The following NEDD4L variants were observed in gnomAD, a reference collection of about 807,000 sequenced individuals.
NEDD4L encodes E3 ubiquitin-protein ligase NEDD4-like.
Under a neutral mutation model 148.9 loss-of-function variants are expected in NEDD4L, and 54 were observed. The observed-to-expected ratio is 0.36, with a 90% CI of 0.29 to 0.45. NEDD4L has a LOEUF of 0.45. Ranked by LOEUF, NEDD4L falls within the 20% of genes least tolerant of loss-of-function variation. The pLI is 1.00. For synonymous variants in NEDD4L, 433 were observed against 440.7 expected, an observed-to-expected ratio of 0.98 and a Z score of 0.22; for missense variants, 856 against 1,233.8, an observed-to-expected ratio of 0.69 and a Z score of 4.59.
At chr18:58,323,681 C>T (rs2059049562) in intron 8 of NEDD4L, among the ~76,000 whole-genome samples, 1 of 152,106 alleles carries the variant, frequency 6.6e-6, no homozygotes, top group Admixed American at 6.5e-5. Context: ...CCATTGAGGT[C>T]GCTTCAAAGT....
At chr18:58,315,580 G>A (rs1301634350) in intron 5 of NEDD4L, among the ~76,000 whole-genome samples, 4 of 152,150 alleles carry the variant, frequency 2.6e-5, no homozygotes, top group African/African-American at 9.7e-5. Flanking sequence ...TTGGCTCTCA[G>A]CTCTCAAGAA....
chr18:58,124,122 T>C lies in NEDD4L; in HGVS notation c.49-41666T>C, dbSNP rs1250301215. ...CCCTCTCCAGCGCCTGCCTTCCGAT[T>C]GCCCCTTCCAGTCTAGTAACTGTGT... On this transcript the variant is annotated intron_variant, in intron 1 of 30. Transcript: ENST00000400345. Among the ~76,000 whole-genome samples, 6 of 152,140 alleles carry C rather than the reference T, an allele frequency of 3.9e-5. 1 individual carries two copies. The highest frequency in any genetic ancestry group is 3.9e-4 in the Admixed American group (6 of 15,268).
chr18:58,177,601 G>T (rs1045595714), intron 2 of NEDD4L, among the ~76,000 whole-genome samples: 1 of 152,166 alleles, frequency 6.6e-6, no homozygotes, highest in Admixed American at 6.5e-5. Context: ...TGGGGAGGCC[G>T]TGAGGCTGGT....
At chr18:58,129,379 G>T (rs1318936410) in intron 1 of NEDD4L, among the ~76,000 whole-genome samples, 1 of 152,236 alleles carries the variant, frequency 6.6e-6, no homozygotes, top group Non-Finnish European at 1.5e-5. Flanking sequence ...ATGTGTTCAT[G>T]TCCTGGGATT....
At chr18:58,286,532 A>G (rs28638370) in intron 5 of NEDD4L, among the ~76,000 whole-genome samples, 30,270 of 152,154 alleles carry the variant, frequency 0.2, 3,130 homozygotes, top group East Asian at 0.29. Context: ...TGTGAAGACA[A>G]TAAATTATAT....
Position 58,396,353 on chromosome 18 carries a change from G to A in NEDD4L, c.*84G>A, listed in dbSNP as rs1410658195. On this transcript the variant is annotated 3_prime_UTR_variant, in exon 31 of 31. Coordinates refer to ENST00000400345, the MANE Select transcript of NEDD4L (RefSeq NM_001144967.3). ...TTGCCTAACAGACTTTTGCAGAGGC[G>A]ATGGCAGAGAGCAGCTGCAGGCATG... The A allele has an allele frequency of 5.6e-6, 5 of 893,762 alleles. No homozygotes were observed. The highest frequency in any genetic ancestry group is 3.3e-5 in the African/African-American group (2 of 60,692). The allele number at this position is 893,762 out of a possible 1,614,324, so 55.4% of individuals were successfully genotyped here. A position where few individuals can be genotyped will look rare whatever the true frequency, so the allele number is the denominator to read the frequency against.
intron 1 of NEDD4L, among the ~76,000 whole-genome samples, chr18:58,055,931 G>C (rs1030106528): frequency 6.6e-6 from 1 of 152,176 alleles, no homozygotes; most frequent in Non-Finnish European, 1.5e-5. Flanking sequence ...TAGGTTTTGA[G>C]TTAGAGACCT....
At chr18:58,262,718 A>G (rs568287079) in intron 5 of NEDD4L, among the ~76,000 whole-genome samples, 1 of 152,196 alleles carries the variant, frequency 6.6e-6, no homozygotes, top group East Asian at 1.9e-4. Flanking sequence ...CTCCTTTGGA[A>G]TCTCTTGATT....
intron 2 of NEDD4L, among the ~76,000 whole-genome samples, chr18:58,169,679 A>G (rs2037326284): frequency 6.6e-6 from 1 of 152,260 alleles, no homozygotes; most frequent in South Asian, 2.1e-4. Flanking sequence ...GGGCGGCCAC[A>G]GCTCACCCTT....
At chr18:58,071,139 A>G (rs532578851) in intron 1 of NEDD4L, among the ~76,000 whole-genome samples, 7 of 152,306 alleles carry the variant, frequency 4.6e-5, no homozygotes, top group Non-Finnish European at 7.4e-5. Context: ...TTAAGTCACT[A>G]TGAAAGTTAT....
At chr18:58,200,962 T>C (rs1355776701) in intron 2 of NEDD4L, among the ~76,000 whole-genome samples, 3 of 152,234 alleles carry the variant, frequency 2.0e-5, no homozygotes, top group Non-Finnish European at 4.4e-5. Flanking sequence ...ATATTCACTT[T>C]TGGTGGACTA....
At chr18:58,139,528 C>T (rs1477265258) in intron 1 of NEDD4L, among the ~76,000 whole-genome samples, 3 of 151,976 alleles carry the variant, frequency 2.0e-5, no homozygotes, top group East Asian at 1.9e-4. Flanking sequence ...TAAAATAATG[C>T]GTGTTTGTTA....
At chr18:58,166,348 C>T (rs1046392160) in intron 2 of NEDD4L, among the ~76,000 whole-genome samples, 2 of 152,190 alleles carry the variant, frequency 1.3e-5, no homozygotes, top group Non-Finnish European at 2.9e-5. Flanking sequence ...GCAGCCAGAT[C>T]TTTCTGTGTG....
At chr18:58,106,400 A>G (rs905133403) in intron 1 of NEDD4L, among the ~76,000 whole-genome samples, 1 of 152,228 alleles carries the variant, frequency 6.6e-6, no homozygotes, top group Non-Finnish European at 1.5e-5. Flanking sequence ...CGAAAAAGCC[A>G]AAAGCTGCAG....
intron 2 of NEDD4L, among the ~76,000 whole-genome samples, chr18:58,205,446 GT>G (rs1305273379): frequency 6.6e-6 from 1 of 152,118 alleles, no homozygotes. Flanking sequence ...TTGAAAGTTT[GT>G]TTTATAATCA....
chr18:58,397,573 C>G lies in NEDD4L; in HGVS notation c.*1304C>G, dbSNP rs1391038159. On this transcript the variant is annotated 3_prime_UTR_variant, in exon 31 of 31. Transcript: ENST00000400345. Reference sequence around the variant, plus strand: ...TCTTAATCTAACTGAGTTTTGTTACCAATGACCTGTTGCATGCTTCAATAC... The same window carrying G: ...TCTTAATCTAACTGAGTTTTGTTACGAATGACCTGTTGCATGCTTCAATAC... 6.6e-6 allele frequency: 1 copy of G among 152,188 alleles called. No homozygotes were observed. Among genetic ancestry groups the G allele is most frequent in the Admixed American group, 6.5e-5 (1 of 15,270 alleles). 9.4% of individuals were successfully genotyped at this position (152,188 alleles called of 1,614,324 possible).
chr18:58,286,090 A>G (rs2053865358), intron 5 of NEDD4L, among the ~76,000 whole-genome samples: 1 of 152,220 alleles, frequency 6.6e-6, no homozygotes. Context: ...GTGTTTATAG[A>G]CAGACACTCA....
chr18:58,353,305 G>A (rs905188095), intron 18 of NEDD4L, among the ~76,000 whole-genome samples: 4 of 152,170 alleles, frequency 2.6e-5, no homozygotes, highest in Non-Finnish European at 4.4e-5. Flanking sequence ...CAGCACCCCC[G>A]AGGCTCCATT....
At chr18:58,154,304 T>C (rs2035180499) in intron 1 of NEDD4L, among the ~76,000 whole-genome samples, 1 of 152,086 alleles carries the variant, frequency 6.6e-6, no homozygotes, top group South Asian at 2.1e-4. Flanking sequence ...TAAAATTCGA[T>C]TTCAAAGAGA....
Sources: allele counts gnomAD v4.1 joint callset (sites outside exome capture counted in the v4.1 genomes callset), GRCh38; gene constraint gnomAD v4.1.1; transcripts MANE v1.5; gene names NCBI Gene and HGNC (gene_info 2026-07-23, HGNC 2026-07-21).